The following RABGEF1 variants were observed in gnomAD, a reference collection of about 807,000 sequenced individuals.
RABGEF1 encodes the protein RAB guanine nucleotide exchange factor 1, also known as rab5 GDP/GTP exchange factor.
RABGEF1 carries 26 observed loss-of-function variants against 57.3 expected under a neutral mutation model. The ratio of observed to expected loss-of-function variants is 0.45; its 90% CI spans 0.33 to 0.63. The LOEUF is 0.63. RABGEF1 is among the 20% of genes least tolerant of loss of function. RABGEF1 has a pLI of 0.02. For missense variants in RABGEF1, 464 were observed against 607.6 expected (o/e 0.76, Z 2.48); for synonymous variants, 185 against 210.7 (o/e 0.88, Z 1.06).
chr7:66,725,156 C>T (rs2068435691), intron 2 of RABGEF1, among the ~76,000 whole-genome samples: 1 of 152,008 alleles, frequency 6.6e-6, no homozygotes, highest in African/African-American at 2.4e-5. Flanking sequence ...TCATATTTTC[C>T]CACTTCCTTA....
chr7:66,699,147 G>T (rs1302128465), intron 1 of RABGEF1, among the ~76,000 whole-genome samples: 1 of 152,252 alleles, frequency 6.6e-6, no homozygotes, highest in South Asian at 2.1e-4. Flanking sequence ...TTTCCTCGTG[G>T]GTCCATTCTC....
the RABGEF1 span, among the ~76,000 whole-genome samples, chr7:66,673,936 A>G: frequency 6.6e-6 from 1 of 152,246 alleles, no homozygotes; most frequent in Non-Finnish European, 1.5e-5. Context: ...TTTTTATTTT[A>G]AGAAAATGCA....
At chr7:66,671,662 A>G in the RABGEF1 span, among the ~76,000 whole-genome samples, 66 of 152,302 alleles carry the variant, frequency 4.3e-4, no homozygotes, top group East Asian at 9.5e-3. Context: ...AATGTCAACA[A>G]CAGGAAAATA....
At chr7:66,754,651 A>G (rs1802281786) in intron 1 of RABGEF1, among the ~76,000 whole-genome samples, 1 of 152,158 alleles carries the variant, frequency 6.6e-6, no homozygotes, top group South Asian at 2.1e-4. Context: ...TGTGTCTTAT[A>G]TTTTAGATAC....
At chr7:66,781,742 T>C (rs1200705396) in intron 3 of RABGEF1, among the ~76,000 whole-genome samples, 1 of 152,178 alleles carries the variant, frequency 6.6e-6, no homozygotes, top group African/African-American at 2.4e-5. Flanking sequence ...CTCCGTAGTG[T>C]TTGCATGATA....
In RABGEF1 at chr7:66,729,214, T is replaced by G. The variant is rs563767527; in HGVS notation, c.-814-10782T>G. 2.6e-5 allele frequency among the ~76,000 whole-genome samples: 4 copies of G among 151,372 alleles called. No individual in the cohort carries two copies. The East Asian group carries it at 7.8e-4, about 30-fold the overall frequency. ...ATCCACCCACCTCGGCCTCCCAAAG[T>G]GCTGGGATTACAGGTGTGAGCCACC... On this transcript the variant is annotated intron_variant and NMD_transcript_variant, in intron 2 of 9. Transcript: ENST00000607882.
At chr7:66,670,075 A>G in the RABGEF1 span, among the ~76,000 whole-genome samples, 2 of 151,820 alleles carry the variant, frequency 1.3e-5, no homozygotes, top group Admixed American at 6.6e-5. Context: ...TCCTTCTTAA[A>G]CCGCCCCTTT....
the RABGEF1 span, among the ~76,000 whole-genome samples, chr7:66,671,145 T>G: frequency 6.6e-6 from 1 of 152,098 alleles, no homozygotes; most frequent in Non-Finnish European, 1.5e-5. Context: ...TTACAGTATT[T>G]AATTTTTAGG....
Position 66,746,510 on chromosome 7 carries a change from C to T in RABGEF1, c.-18+5718C>T, listed in dbSNP as rs1359718509. 7.3e-5 allele frequency among the ~76,000 whole-genome samples: 11 copies of T among 151,642 alleles called. No homozygotes were observed. In the East Asian group the frequency reaches 1.6e-3, roughly 21 times the overall value. Reference sequence around the variant, plus strand: ...TTCACCATATTGGCCAGGCTGATCTCGAACTCCTGACCTCGTGATCCACCC... The same window carrying T: ...TTCACCATATTGGCCAGGCTGATCTTGAACTCCTGACCTCGTGATCCACCC... On this transcript the variant is annotated intron_variant, in intron 1 of 8. Coordinates refer to ENST00000284957, the MANE Select transcript of RABGEF1 (RefSeq NM_014504.3).
At chr7:66,656,841 A>C in the RABGEF1 span, among the ~76,000 whole-genome samples, 1 of 142,890 alleles carries the variant, frequency 7.0e-6, no homozygotes, top group African/African-American at 2.6e-5. Flanking sequence ...AAAAAAAAAA[A>C]GTAACCAAAT....
At chr7:66,711,608 A>G (rs1216817374) in intron 1 of RABGEF1, among the ~76,000 whole-genome samples, 4 of 148,722 alleles carry the variant, frequency 2.7e-5, no homozygotes, top group African/African-American at 9.9e-5. Context: ...TTTTTTTGAG[A>G]TGGAGTCTTG....
intron 7 of RABGEF1, among the ~76,000 whole-genome samples, chr7:66,802,431 T>C (rs1319536366): frequency 1.3e-5 from 2 of 152,288 alleles, no homozygotes; most frequent in Non-Finnish European, 1.5e-5. Context: ...AGATGGAGCG[T>C]ATACTTAGCT....
the RABGEF1 span, chr7:66,669,001 C>A: frequency 6.6e-6 from 1 of 152,294 alleles, no homozygotes; most frequent in East Asian, 1.9e-4. Flanking sequence ...CTAGCTAGAC[C>A]TTTGCTGCCT....
intron 4 of RABGEF1, among the ~76,000 whole-genome samples, chr7:66,785,467 A>G (rs1459833057): frequency 1.3e-5 from 2 of 152,228 alleles, no homozygotes; most frequent in Admixed American, 6.5e-5. Flanking sequence ...TGTCCTTTCA[A>G]ATAAATAAAT....
At chr7:66,676,710 C>T in the RABGEF1 span, among the ~76,000 whole-genome samples, 1 of 152,164 alleles carries the variant, frequency 6.6e-6, no homozygotes, top group African/African-American at 2.4e-5. Flanking sequence ...ACCTCAGCCT[C>T]CCAAGTAGCT....
upstream of RABGEF1, among the ~76,000 whole-genome samples, chr7:66,737,219 T>C (rs750068228): frequency 1.3e-5 from 2 of 152,048 alleles, no homozygotes; most frequent in Non-Finnish European, 2.9e-5. Flanking sequence ...ATTTATTTAA[T>C]TTTTAGGTGT....
At chr7:66,730,119 A>G (rs1797130953) in intron 2 of RABGEF1, among the ~76,000 whole-genome samples, 1 of 152,220 alleles carries the variant, frequency 6.6e-6, no homozygotes, top group Admixed American at 6.5e-5. Context: ...CTCATCTCTA[A>G]GATGAAAAGA....
the RABGEF1 span, among the ~76,000 whole-genome samples, chr7:66,658,268 C>T: frequency 2.0e-5 from 3 of 152,152 alleles, no homozygotes; most frequent in Non-Finnish European, 2.9e-5. Context: ...TGCAGTGGCT[C>T]GTGCCTGTAA....
At chr7:66,789,341 C>A (rs1187034490) in intron 4 of RABGEF1, among the ~76,000 whole-genome samples, 1 of 152,082 alleles carries the variant, frequency 6.6e-6, no homozygotes, top group African/African-American at 2.4e-5. Flanking sequence ...GTGGAAATAG[C>A]TCTGAGCTCT....
Sources: allele counts gnomAD v4.1 joint callset (sites outside exome capture counted in the v4.1 genomes callset), GRCh38; gene constraint gnomAD v4.1.1; transcripts MANE v1.5; gene names NCBI Gene and HGNC (gene_info 2026-07-23, HGNC 2026-07-21).